Variants in HIRA observed in about 807,000 individuals in gnomAD.
The protein encoded by HIRA is protein HIRA.
Under a neutral mutation model 126.6 loss-of-function variants are expected in HIRA, and 13 were observed. That is an observed-to-expected ratio of 0.10 (90% CI 0.07 to 0.16). The LOEUF is 0.16. HIRA is among the 10% of genes least tolerant of loss of function. The pLI, the probability that HIRA is intolerant of heterozygous loss-of-function variation, is 1.00. For missense variants in HIRA, 834 were observed against 1,314.4 expected, an observed-to-expected ratio of 0.63 and a Z score of 5.65; for synonymous variants, 511 against 520.0, an observed-to-expected ratio of 0.98 and a Z score of 0.24.
chr22:19,431,632 GC>G lies in HIRA; in HGVS notation c.-157del. 1 of 699,748 alleles carries G rather than the reference GC, an allele frequency of 1.4e-6. No homozygotes were observed. Among genetic ancestry groups the G allele is most frequent in the Non-Finnish European group, 1.8e-6 (1 of 555,276 alleles). 43.3% of individuals were successfully genotyped at this position (699,748 alleles called of 1,614,324 possible). ...GGCCGCCGCGCCATCGCCGGCCCGC[GC>G]CCCCCTCCGCCGCCACAGCCGCCAC... On this transcript the variant is annotated 5_prime_UTR_variant, in exon 1 of 25. The change abolishes the stop of an existing upstream ORF in the 5' untranslated region. Coordinates refer to ENST00000263208, the MANE Select transcript of HIRA (RefSeq NM_003325.4).
chr22:19,374,883 A>G (rs187696446), intron 15 of HIRA, among the ~76,000 whole-genome samples: 2 of 152,276 alleles, frequency 1.3e-5, no homozygotes, highest in African/African-American at 2.4e-5. Context: ...TTAAGCCCCC[A>G]AAGTCCAGCC....
intron 17 of HIRA, among the ~76,000 whole-genome samples, chr22:19,360,017 G>T (rs902572735): frequency 1.3e-5 from 2 of 152,184 alleles, no homozygotes; most frequent in African/African-American, 2.4e-5. Flanking sequence ...AGACTAAACT[G>T]GCAGGGGTGT....
At chr22:19,415,837 G>T (rs1193704793) in intron 1 of HIRA, among the ~76,000 whole-genome samples, 2 of 151,886 alleles carry the variant, frequency 1.3e-5, no homozygotes, top group Non-Finnish European at 2.9e-5. Flanking sequence ...TAGGCTTAAT[G>T]CAATCCCTAT....
rs559034448 is a variant in HIRA at position 19,374,443 on chromosome 22, C to A, written c.1775+1188G>T. The stretch of plus-strand genomic sequence containing the variant: ...ATTTGGGATTACAGGCATGAGCTAT[C>A]GCATGTGGCCTGCATTGAGTTAATT... On this transcript the variant is annotated intron_variant, in intron 15 of 24. Transcript: ENST00000263208. 3.3e-5 allele frequency among the ~76,000 whole-genome samples: 5 copies of A among 152,254 alleles called. 1 individual carries two copies. The highest frequency in any genetic ancestry group is 1.3e-4 in the Admixed American group (2 of 15,298).
At chr22:19,375,592 C>A in intron 15 of HIRA, 39 bp downstream of exon 15, 1 of 1,608,674 alleles carries the variant, frequency 6.2e-7, no homozygotes, top group Non-Finnish European at 8.5e-7. Context: ...CATGCCTGCA[C>A]CCTGCCTGGT....
At chr22:19,363,560 G>A (rs1004984884) in intron 15 of HIRA, among the ~76,000 whole-genome samples, 4 of 152,186 alleles carry the variant, frequency 2.6e-5, no homozygotes, top group Admixed American at 6.5e-5. Context: ...CCAGGGGTTG[G>A]GGAAAGGAAG....
intron 24 of HIRA, among the ~76,000 whole-genome samples, chr22:19,343,819 C>A (rs181624701): frequency 6.6e-6 from 1 of 150,514 alleles, no homozygotes; most frequent in Non-Finnish European, 1.5e-5. Flanking sequence ...CCCAGCTACT[C>A]GGGAGGCAGA....
At chr22:19,389,032 C>T (rs183131107) in intron 9 of HIRA, among the ~76,000 whole-genome samples, 1 of 152,308 alleles carries the variant, frequency 6.6e-6, no homozygotes, top group African/African-American at 2.4e-5. Flanking sequence ...TCATTCTACA[C>T]TATGTGTAGG....
At chr22:19,407,771 C>A in intron 3 of HIRA, among the ~76,000 whole-genome samples, 1 of 152,184 alleles carries the variant, frequency 6.6e-6, no homozygotes, top group East Asian at 1.9e-4. Flanking sequence ...TTTCCAAACT[C>A]GCCAGCACTG....
chr22:19,356,458 C>T (rs1031879912), intron 19 of HIRA, among the ~76,000 whole-genome samples, 170 bp from the exon 20 acceptor site: 2 of 152,194 alleles, frequency 1.3e-5, no homozygotes, highest in Admixed American at 1.3e-4. Flanking sequence ...TGCCACTACA[C>T]TCCCTCTGCA....
chr22:19,375,846 G>A, intron 14 of HIRA, 54 bp from the exon 15 acceptor site: 1 of 1,578,676 alleles, frequency 6.3e-7, no homozygotes, highest in Non-Finnish European at 8.7e-7. Context: ...AGGATCTGGA[G>A]GTCTAGTATT....
chr22:19,397,791 A>G (rs2089235666), intron 6 of HIRA, among the ~76,000 whole-genome samples: 1 of 152,178 alleles, frequency 6.6e-6, no homozygotes, highest in Admixed American at 6.5e-5. Context: ...GCTAGCACTC[A>G]GTTACCATTT....
chr22:19,402,787 A>G (rs1056003104), intron 5 of HIRA, among the ~76,000 whole-genome samples: 4 of 152,322 alleles, frequency 2.6e-5, no homozygotes, highest in African/African-American at 9.6e-5. Context: ...GGTTTGAAAA[A>G]GACTAAGGAC....
chr22:19,331,640 TTG>T (rs782482188), intron 24 of HIRA, 84 bp from the exon 25 acceptor site: 178 of 1,255,452 alleles, frequency 1.4e-4, no homozygotes, highest in Non-Finnish European at 1.9e-4. Context: ...GCAGAGAACC[TTG>T]TGTCTGCTCA....
intron 1 of HIRA, 29 bp from the exon 2 acceptor site, chr22:19,410,807 T>C: frequency 6.3e-7 from 1 of 1,585,140 alleles, no homozygotes; most frequent in Non-Finnish European, 8.7e-7. Context: ...AAATACAGTA[T>C]CTAAATTGGC....
chr22:19,360,783 T>C lies in HIRA; in HGVS notation c.2085+454A>G, dbSNP rs377695440. ...TAACCACATGCTTACAAGCTTCCAT[T>C]CCAAGAGCTCAAACAACTCTGATGA... On this transcript the variant is annotated intron_variant, in intron 17 of 24. Coordinates refer to ENST00000263208, the MANE Select transcript of HIRA (RefSeq NM_003325.4). Among the ~76,000 whole-genome samples, 31 of 152,372 alleles carry C rather than the reference T, an allele frequency of 2.0e-4. No homozygotes were observed. The East Asian group carries it at 5.8e-3, about 28-fold the overall frequency.
intron 1 of HIRA, among the ~76,000 whole-genome samples, chr22:19,430,871 C>G (rs1440335800): frequency 6.6e-6 from 1 of 152,218 alleles, no homozygotes; most frequent in African/African-American, 2.4e-5. Context: ...CTGCCCAACC[C>G]TAGTTCACCC....
chr22:19,343,526 G>A (rs2088653942), intron 24 of HIRA, among the ~76,000 whole-genome samples: 1 of 152,194 alleles, frequency 6.6e-6, no homozygotes, highest in Non-Finnish European at 1.5e-5. Flanking sequence ...TTACACCAAT[G>A]TACTCCAGCC....
At chr22:19,413,631 A>ATTTATT (rs1569311782) in intron 1 of HIRA, among the ~76,000 whole-genome samples, 8 of 97,440 alleles carry the variant, frequency 8.2e-5, no homozygotes, top group African/African-American at 2.8e-4. Flanking sequence ...ATTTATTTAT[A>ATTTATT]GACAGAGTTT....
Sources: allele counts gnomAD v4.1 joint callset (sites outside exome capture counted in the v4.1 genomes callset), GRCh38; gene constraint gnomAD v4.1.1; transcripts MANE v1.5; gene names NCBI Gene and HGNC (gene_info 2026-07-23, HGNC 2026-07-21).